The following FRMPD4 variants were observed in gnomAD, a reference collection of about 807,000 sequenced individuals.
The protein encoded by FRMPD4 is FERM and PDZ domain-containing protein 4.
Under a neutral mutation model 94.1 loss-of-function variants are expected in FRMPD4, and 22 were observed. The ratio of observed to expected loss-of-function variants is 0.23; its 90% confidence interval spans 0.17 to 0.33. The LOEUF is 0.33. Ranked by LOEUF, FRMPD4 falls within the 10% of genes least tolerant of loss-of-function variation. The probability of loss-of-function intolerance (pLI) is 1.00; values close to 1 mark genes in which losing one functional copy is unlikely to be tolerated. For missense variants in FRMPD4, 1,111 were observed against 1,339.9 expected (o/e 0.83, Z 2.67); for synonymous variants, 631 against 548.6 (o/e 1.15, Z -2.10).
intron 3 of FRMPD4, among the ~76,000 whole-genome samples, chrX:12,094,875 C>T (rs919372622): frequency 1.6e-4 from 18 of 111,764 alleles, no homozygotes; most frequent in African/African-American, 4.9e-4. Context: ...GTTACCTGTA[C>T]GTATAATTAT....
At chrX:12,006,086 C>A (rs777988869) in intron 3 of FRMPD4, among the ~76,000 whole-genome samples, 14 of 111,740 alleles carry the variant, frequency 1.3e-4, no homozygotes, top group African/African-American at 4.6e-4. Flanking sequence ...CTTCCCACAG[C>A]AGTCACTGCC....
At chrX:12,505,416 C>G (rs1005797892) in intron 2 of FRMPD4, among the ~76,000 whole-genome samples, 3 of 110,864 alleles carry the variant, frequency 2.7e-5, no homozygotes, top group Non-Finnish European at 5.7e-5. Flanking sequence ...TCAGTATTGT[C>G]TGCACTCCAG....
At chrX:12,632,700 G>A (rs1361685145) in intron 4 of FRMPD4, among the ~76,000 whole-genome samples, 1 of 110,680 alleles carries the variant, frequency 9.0e-6, no homozygotes, top group Non-Finnish European at 1.9e-5. Context: ...AGGTAGCAAT[G>A]ATCAAGATCT....
chrX:12,553,456 A>ATG (rs1330558651), intron 2 of FRMPD4, among the ~76,000 whole-genome samples: 1 of 60,097 alleles, frequency 1.7e-5, no homozygotes, highest in Non-Finnish European at 3.5e-5. Context: ...ATATATATAT[A>ATG]TATATATATA....
At chrX:12,076,327 C>CGTGTGTGTGTGTGTGTGT (rs34558552) in intron 3 of FRMPD4, among the ~76,000 whole-genome samples, 20 of 98,153 alleles carry the variant, frequency 2.0e-4, no homozygotes, top group African/African-American at 7.6e-4. Flanking sequence ...CCTAGCAAAA[C>CGTGTGTGTGTGTGTGTGT]GTGTGTGTGT....
chrX:11,887,027 T>C (rs1245914053), intron 3 of FRMPD4, among the ~76,000 whole-genome samples: 2 of 111,782 alleles, frequency 1.8e-5, no homozygotes, highest in South Asian at 3.8e-4. Context: ...TTTATTCATG[T>C]GTCTATTGTC....
chrX:12,195,151 T>C (rs1300054068), intron 1 of FRMPD4, among the ~76,000 whole-genome samples: 1 of 112,090 alleles, frequency 8.9e-6, no homozygotes, highest in East Asian at 2.8e-4. Flanking sequence ...TTTATTTCAC[T>C]GAATTTGAAA....
chrX:12,194,598 G>A (rs2056545191), intron 1 of FRMPD4, among the ~76,000 whole-genome samples: 1 of 111,573 alleles, frequency 9.0e-6, no homozygotes, highest in South Asian at 3.7e-4. Context: ...TAGAAAATTT[G>A]GGTGTTTTGT....
At chrX:12,322,166 G>A (rs1385952750) in intron 1 of FRMPD4, among the ~76,000 whole-genome samples, 1 of 111,667 alleles carries the variant, frequency 9.0e-6, no homozygotes, top group Non-Finnish European at 1.9e-5. Context: ...AATGAAAAGG[G>A]AGGAATCTCT....
chrX:12,666,105 A>C (rs1212303418), intron 4 of FRMPD4, among the ~76,000 whole-genome samples: 3 of 110,548 alleles, frequency 2.7e-5, no homozygotes, highest in Non-Finnish European at 5.7e-5. Context: ...GGAAAGCAAA[A>C]AAAAAAAAAG....
chrX:11,899,031 C>T (rs2053919363), intron 3 of FRMPD4, among the ~76,000 whole-genome samples: 1 of 112,354 alleles, frequency 8.9e-6, no homozygotes, highest in African/African-American at 3.2e-5. Flanking sequence ...TGCAATAGCT[C>T]CCTAAAAACT....
chrX:11,843,043 C>T (rs1303566519), intron 1 of FRMPD4, among the ~76,000 whole-genome samples: 2 of 112,142 alleles, frequency 1.8e-5, no homozygotes, highest in Non-Finnish European at 3.8e-5. Context: ...CTTCTCTTAT[C>T]TACTGAGATG....
At chrX:11,924,241 A>G (rs1188459719) in intron 3 of FRMPD4, among the ~76,000 whole-genome samples, 1 of 112,229 alleles carries the variant, frequency 8.9e-6, no homozygotes, top group South Asian at 3.7e-4. Context: ...AGAAAAAACA[A>G]TGGAAAGAAA....
chrX:12,043,826 T>G (rs1369117763), intron 3 of FRMPD4, among the ~76,000 whole-genome samples: 3 of 111,966 alleles, frequency 2.7e-5, no homozygotes, highest in African/African-American at 9.7e-5. Context: ...AAATTATTTT[T>G]TTTTCACTGC....
At position 12,716,954 on chromosome X, in the gene FRMPD4, A is replaced by G. The variant is rs762695303; in HGVS notation, c.2495A>G (p.Glu832Gly). 2 of 1,209,760 alleles carry G rather than the reference A, an allele frequency of 1.7e-6. No homozygotes were observed. Among genetic ancestry groups the G allele is most frequent in the African/African-American group, 3.5e-5 (2 of 57,306 alleles). ...CAGAGCCAGGCAGCTTCCTTCCCCG[A>G]GGACAAGGAGAAAGGCAGCAGCCTG... ...DSQSQAASFP[E>G]DKEKGSSLQN... The change falls in exon 15 of 17, where the codon GAG becomes GGG. Residue 832 changes from glutamate to glycine, a missense_variant. Glu to Gly is a moderately conservative substitution (Grantham distance 98). Transcript: ENST00000675598.
intron 14 of FRMPD4, among the ~76,000 whole-genome samples, chrX:12,710,774 CA>C (rs1451751072): frequency 9.6e-6 from 1 of 103,722 alleles, no homozygotes; most frequent in Admixed American, 9.7e-5. Context: ...GGCATAGTGG[CA>C]CGCACCTGTA....
chrX:11,825,190 T>TTGTGTGTGTGTGTG (rs747320680), intron 1 of FRMPD4, among the ~76,000 whole-genome samples: 6 of 80,162 alleles, frequency 7.5e-5, no homozygotes, highest in Non-Finnish European at 1.4e-4. Flanking sequence ...TGTGTCTTCT[T>TTGTGTGTGTGTGTG]TGTGTGTGTG....
At chrX:11,921,997 A>G (rs1346966197) in intron 3 of FRMPD4, among the ~76,000 whole-genome samples, 1 of 111,983 alleles carries the variant, frequency 8.9e-6, no homozygotes, top group Non-Finnish European at 1.9e-5. Context: ...CCAATGATTT[A>G]TTCGGAGATT....
intron 1 of FRMPD4, among the ~76,000 whole-genome samples, chrX:12,396,596 G>C (rs760070761): frequency 8.9e-6 from 1 of 111,985 alleles, no homozygotes; most frequent in African/African-American, 3.2e-5. Flanking sequence ...TTTGGAGTTT[G>C]AGAGATAAAT....
Sources: gnomAD v4.1 joint callset for allele counts (sites outside exome capture counted in the v4.1 genomes callset) on GRCh38, gnomAD v4.1.1 for gene constraint, MANE v1.5 for transcripts, NCBI Gene and HGNC (gene_info 2026-07-23, HGNC 2026-07-21) for gene names.